JAZF1: variants seen among roughly 807,000 people sequenced by gnomAD.
JAZF1 encodes JAZF zinc finger 1.
Under a neutral mutation model 26.4 loss-of-function variants are expected in JAZF1, and 8 were observed. The ratio of observed to expected loss-of-function variants is 0.30; its 90% CI spans 0.18 to 0.55. The LOEUF (loss-of-function observed/expected upper bound fraction) is 0.55. Ranked by LOEUF, JAZF1 falls within the 20% of genes least tolerant of loss-of-function variation. The pLI, the probability that JAZF1 is intolerant of heterozygous loss-of-function variation, is 0.94. For synonymous variants in JAZF1, 126 were observed against 122.3 expected, an observed-to-expected ratio of 1.03 and a Z score of -0.20; for missense variants, 199 against 322.0, an observed-to-expected ratio of 0.62 and a Z score of 2.92.
chr7:27,850,929 C>A (rs535867989), intron 3 of JAZF1, among the ~76,000 whole-genome samples: 1 of 151,442 alleles, frequency 6.6e-6, no homozygotes, highest in Non-Finnish European at 1.5e-5. Context: ...AATAATACAT[C>A]GGAATGAATT....
At position 27,991,901 on chromosome 7, in the gene JAZF1, T is replaced by C. The variant is rs573212380; in HGVS notation, c.188+8A>G. The C allele has an allele frequency of 2.2e-5, 34 of 1,512,512 alleles. No individual in the cohort carries two copies. The Middle Eastern group carries it at 6.9e-4, about 31-fold the overall frequency. The allele number at this position is 1,512,512 out of a possible 1,614,324, so 93.7% of individuals were successfully genotyped here. The stretch of plus-strand genomic sequence containing the variant: ...AGGTTGTTATAATAAATTCTGAAAA[T>C]GGCTTACCTATTTATGTAACTCAGG... On this transcript the variant is annotated splice_region_variant and intron_variant, in intron 2 of 4. Transcript: ENST00000283928.
intron 1 of JAZF1, among the ~76,000 whole-genome samples, chr7:28,083,799 G>T (rs913759787): frequency 2.0e-5 from 3 of 151,740 alleles, no homozygotes; most frequent in Non-Finnish European, 2.9e-5. Context: ...CTGACATTGG[G>T]TAAGAAATGT....
chr7:28,020,619 C>T (rs1229611942), intron 1 of JAZF1: 1 of 471,234 alleles, frequency 2.1e-6, no homozygotes, highest in Admixed American at 2.3e-5. Flanking sequence ...CTCAGCATTT[C>T]AAAAGCATCA....
At chr7:28,172,536 T>C (rs528295416) in intron 1 of JAZF1, among the ~76,000 whole-genome samples, 9 of 152,352 alleles carry the variant, frequency 5.9e-5, no homozygotes, top group South Asian at 4.1e-4. Context: ...GCATTTCTAA[T>C]AGTATATTTG....
At chr7:28,007,704 G>C (rs1294206520) in intron 1 of JAZF1, among the ~76,000 whole-genome samples, 1 of 152,168 alleles carries the variant, frequency 6.6e-6, no homozygotes, top group Non-Finnish European at 1.5e-5. Flanking sequence ...TGACCAGCTG[G>C]ATGGGAAAGC....
intron 1 of JAZF1, among the ~76,000 whole-genome samples, chr7:28,161,270 A>AG (rs201868473): frequency 0.025 from 3,785 of 150,106 alleles, 62 homozygotes; most frequent in East Asian, 0.07. Flanking sequence ...AAAAAAAAAA[A>AG]AAAAAAAAAA....
At chr7:28,022,204 A>G (rs1187841163) in intron 1 of JAZF1, among the ~76,000 whole-genome samples, 2 of 152,250 alleles carry the variant, frequency 1.3e-5, no homozygotes, top group Non-Finnish European at 2.9e-5. Flanking sequence ...ATTTTCTAAG[A>G]GATTTGTTAA....
chr7:27,868,155 C>T (rs764197753), intron 3 of JAZF1, among the ~76,000 whole-genome samples: 7 of 152,186 alleles, frequency 4.6e-5, no homozygotes, highest in African/African-American at 7.2e-5. Context: ...CAGCACTAGT[C>T]GTTACTATTT....
At chr7:27,901,309 A>C (rs887207173) in intron 2 of JAZF1, among the ~76,000 whole-genome samples, 1 of 152,238 alleles carries the variant, frequency 6.6e-6, no homozygotes, top group Non-Finnish European at 1.5e-5. Flanking sequence ...GTAAATTTTC[A>C]AGACTCCATT....
At chr7:28,168,380 CAAAAAAA>C (rs11301939) in intron 1 of JAZF1, among the ~76,000 whole-genome samples, 2 of 71,148 alleles carry the variant, frequency 2.8e-5, no homozygotes, top group African/African-American at 5.8e-5. Flanking sequence ...GACTCCGTCT[CAAAAAAA>C]AAAAAAAAAA....
At chr7:27,932,705 A>G (rs1784703813) in intron 2 of JAZF1, among the ~76,000 whole-genome samples, 1 of 152,336 alleles carries the variant, frequency 6.6e-6, no homozygotes, top group African/African-American at 2.4e-5. Context: ...GTCTTTCAAG[A>G]TGTGAAAATG....
intron 3 of JAZF1, among the ~76,000 whole-genome samples, chr7:27,871,435 A>G (rs971549448): frequency 2.0e-5 from 3 of 152,232 alleles, no homozygotes; most frequent in African/African-American, 4.8e-5. Context: ...CAAACCAACG[A>G]TATGTCATCC....
chr7:27,995,297 T>C (rs1785992397), intron 1 of JAZF1, among the ~76,000 whole-genome samples: 2 of 152,224 alleles, frequency 1.3e-5, no homozygotes, highest in South Asian at 4.1e-4. Context: ...ACTTGGTTTT[T>C]TCATAGCCAC....
At chr7:27,936,160 T>A (rs1384604254) in intron 2 of JAZF1, among the ~76,000 whole-genome samples, 1 of 152,250 alleles carries the variant, frequency 6.6e-6, no homozygotes, top group Non-Finnish European at 1.5e-5. Flanking sequence ...AAAAGATTTT[T>A]TTCTTCCCCT....
intron 1 of JAZF1, among the ~76,000 whole-genome samples, chr7:27,993,996 A>T (rs565873407): frequency 1.3e-4 from 20 of 152,284 alleles, no homozygotes; most frequent in African/African-American, 4.6e-4. Context: ...ATATTCCCAC[A>T]AACCATCTTC....
At chr7:27,916,540 G>A (rs183291250) in intron 2 of JAZF1, among the ~76,000 whole-genome samples, 1 of 152,156 alleles carries the variant, frequency 6.6e-6, no homozygotes, top group African/African-American at 2.4e-5. Context: ...TTGAACTCAG[G>A]GCCAACAGTA....
At chr7:27,989,690 T>A (rs1785854480) in intron 2 of JAZF1, among the ~76,000 whole-genome samples, 1 of 152,138 alleles carries the variant, frequency 6.6e-6, no homozygotes, top group African/African-American at 2.4e-5. Context: ...AAAATGCTCA[T>A]CATCACTGGC....
At chr7:27,967,881 C>T (rs920611131) in intron 2 of JAZF1, among the ~76,000 whole-genome samples, 1 of 152,150 alleles carries the variant, frequency 6.6e-6, no homozygotes, top group Non-Finnish European at 1.5e-5. Context: ...TATTGTGGTC[C>T]CACCATTTTA....
chr7:27,890,667 C>G (rs973763199), intron 3 of JAZF1, among the ~76,000 whole-genome samples: 1 of 151,934 alleles, frequency 6.6e-6, no homozygotes, highest in Non-Finnish European at 1.5e-5. Context: ...CTCAGTGAGG[C>G]TGGTGTTAAG....
Sources: gnomAD v4.1 joint callset for allele counts (sites outside exome capture counted in the v4.1 genomes callset) on GRCh38, gnomAD v4.1.1 for gene constraint, MANE v1.5 for transcripts, NCBI Gene and HGNC (gene_info 2026-07-23, HGNC 2026-07-21) for gene names.